Variants in OPHN1 observed in about 807,000 individuals in gnomAD.
OPHN1 encodes the protein oligophrenin-1.
In OPHN1, 11 loss-of-function variants were observed where a neutral mutation model predicts 60.7. That is an observed-to-expected ratio of 0.18 (90% confidence interval 0.11 to 0.30). OPHN1 has a LOEUF of 0.30. OPHN1 is among the 10% of genes least tolerant of loss of function. The pLI, the probability that OPHN1 is intolerant of heterozygous loss-of-function variation, is 1.00. For synonymous variants in OPHN1, 226 were observed against 222.6 expected, an observed-to-expected ratio of 1.02 and a Z score of -0.14; for missense variants, 449 against 611.0, an observed-to-expected ratio of 0.73 and a Z score of 2.80.
chrX:68,361,899 T>C (rs1004142824), intron 2 of OPHN1, among the ~76,000 whole-genome samples: 8 of 112,440 alleles, frequency 7.1e-5, no homozygotes, highest in African/African-American at 2.6e-4. Context: ...ATCTTTTTGA[T>C]AATAGTGATT....
Position 68,063,990 on chromosome X carries a change from C to G in OPHN1, c.2022G>C (p.Val674=). 1 of 1,210,291 alleles carries G rather than the reference C, an allele frequency of 8.3e-7. No individual in the cohort carries two copies. Residue 674 remains valine, a synonymous_variant, in exon 21 of 25, where the codon GTG becomes GTC. Coordinates refer to ENST00000355520, the MANE Select transcript of OPHN1 (RefSeq NM_002547.3). ...PCPEVDVGKL[V]SRLQDGGTKI... ...TGGTCCCTCCATCCTGCAGCCTAGACACCAACTTCCCCACGTCCACCTCTG... is the reference window on the plus strand; with the variant it reads ...TGGTCCCTCCATCCTGCAGCCTAGAGACCAACTTCCCCACGTCCACCTCTG...
rs1230764935 is a variant in OPHN1, at chrX:68,327,825, CTT to C, written c.155-28731_155-28730del. Among the ~76,000 whole-genome samples, 31 of 84,545 alleles carry C rather than the reference CTT, an allele frequency of 3.7e-4. 1 individual carries two copies. Among genetic ancestry groups the C allele is most frequent in the Non-Finnish European group, 5.6e-4 (26 of 46,492 alleles). 73.4% of individuals were successfully genotyped at this position (84,545 alleles called of 115,157 possible). On this transcript the variant is annotated intron_variant, in intron 2 of 24. Transcript: ENST00000355520. ...AAAAAAAAAAAAAAAAAATTTTAAACTTTTTTTTTTTTTTTGAGACGGAGTCT... is the reference window on the plus strand; with the variant it reads ...AAAAAAAAAAAAAAAAAATTTTAAACTTTTTTTTTTTTTGAGACGGAGTCT...
At chrX:68,221,095 A>T (rs1224171982) in intron 6 of OPHN1, among the ~76,000 whole-genome samples, 1 of 98,035 alleles carries the variant, frequency 1.0e-5, no homozygotes, top group Non-Finnish European at 2.1e-5. Flanking sequence ...CTCAGGATAC[A>T]AAATCAATGT....
At chrX:68,223,479 T>C (rs147296259) in intron 6 of OPHN1, among the ~76,000 whole-genome samples, 71 of 111,812 alleles carry the variant, frequency 6.3e-4, no homozygotes, top group Middle Eastern at 4.6e-3. Context: ...TTCCCATTTA[T>C]TAGTGGGAGC....
chrX:68,112,051 A>G (rs1229912667), intron 17 of OPHN1, 92 bp from the exon 18 acceptor site: 2 of 448,091 alleles, frequency 4.5e-6, no homozygotes, highest in Admixed American at 6.5e-5. Flanking sequence ...ACACACACAC[A>G]TGCACACATG....
At chrX:68,083,364 G>A (rs1486286361) in intron 19 of OPHN1, among the ~76,000 whole-genome samples, 3 of 110,713 alleles carry the variant, frequency 2.7e-5, no homozygotes, top group East Asian at 2.9e-4. Flanking sequence ...GAGCCACCGC[G>A]CCCGGCCTCA....
chrX:68,324,952 G>A (rs1475364201), intron 2 of OPHN1, among the ~76,000 whole-genome samples: 1 of 110,843 alleles, frequency 9.0e-6, no homozygotes, highest in Non-Finnish European at 1.9e-5. Context: ...GCGGGAGGCT[G>A]AGGTCGGAGG....
chrX:68,188,653 G>T (rs1477779248), intron 15 of OPHN1, among the ~76,000 whole-genome samples: 2 of 111,818 alleles, frequency 1.8e-5, no homozygotes, highest in African/African-American at 3.2e-5. Context: ...TAGAGTTCAA[G>T]TTCTGCAACT....
chrX:68,247,939 C>T (rs867493179), intron 5 of OPHN1, among the ~76,000 whole-genome samples: 12 of 110,775 alleles, frequency 1.1e-4, no homozygotes, highest in Admixed American at 1.9e-4. Flanking sequence ...AGCAAGATGT[C>T]GAAATAGAAG....
At chrX:68,252,316 T>C (rs1169179256) in intron 5 of OPHN1, among the ~76,000 whole-genome samples, 3 of 112,582 alleles carry the variant, frequency 2.7e-5, no homozygotes, top group African/African-American at 9.7e-5. Flanking sequence ...TCTTATGATA[T>C]CTAACCAATA....
In OPHN1 at chrX:68,044,810, A is replaced by G; in HGVS notation, c.*2362T>C. On this transcript the variant is annotated 3_prime_UTR_variant, in exon 25 of 25. Transcript: ENST00000355520. ...GACTGCTGGTCCCCAGCTCTCCAAG[A>G]TAGGCCCTTGATCTGTGTCCCAGGC... 8.9e-6 allele frequency: 1 copy of G among 112,773 alleles called. No homozygotes were observed. The highest frequency in any genetic ancestry group is 1.9e-5 in the Non-Finnish European group (1 of 53,333). The allele number at this position is 112,773 out of a possible 1,213,427, so 9.3% of individuals were successfully genotyped here.
At chrX:68,055,279 C>A (rs1220361432) in intron 21 of OPHN1, among the ~76,000 whole-genome samples, 2 of 112,117 alleles carry the variant, frequency 1.8e-5, no homozygotes, top group Admixed American at 9.5e-5. Context: ...ACCTCTACGA[C>A]TGTAAATTTC....
chrX:68,084,909 G>T (rs1284277956), intron 19 of OPHN1, among the ~76,000 whole-genome samples: 1 of 112,194 alleles, frequency 8.9e-6, no homozygotes, highest in Non-Finnish European at 1.9e-5. Context: ...GAAACTTCCT[G>T]TTGTGTGTCT....
rs374050535 is a variant in OPHN1 at position 68,063,898 on chromosome X, T to C, written c.2114A>G (p.His705Arg). Residue 705 changes from histidine (H) to arginine (R), a missense_variant, in exon 21 of 25, where the codon CAC becomes CGC. Around this residue, in one of 4 missense-constraint regions of OPHN1, gnomAD observed 184 missense variants for 160.5 expected, o/e 1.15. Transcript: ENST00000355520. Reference sequence around the variant, plus strand: ...GGGCCGGGGAGCTGGTCTCTTTATGTGGAAAGAGGGGGTCTTGGTGGGCCC... The same window carrying C: ...GGGCCGGGGAGCTGGTCTCTTTATGCGGAAAGAGGGGGTCTTGGTGGGCCC... Reference protein sequence around the residue: ...GSGPTKTPSFHIKRPAPRPLA... With the variant: ...GSGPTKTPSFRIKRPAPRPLA... 6.3e-5 allele frequency: 74 copies of C among 1,181,145 alleles called. No homozygotes were observed. The highest frequency in any genetic ancestry group is 7.3e-5 in the Non-Finnish European group (64 of 880,156).
chrX:68,111,467 C>G (rs1424377268), intron 18 of OPHN1, among the ~76,000 whole-genome samples: 1 of 112,373 alleles, frequency 8.9e-6, no homozygotes, highest in East Asian at 2.8e-4. Context: ...ATGCATTTTA[C>G]CTGTGTTCAT....
intron 10 of OPHN1, among the ~76,000 whole-genome samples, chrX:68,202,532 C>G: frequency 9.1e-6 from 1 of 109,708 alleles, no homozygotes; most frequent in African/African-American, 3.3e-5. Flanking sequence ...CGTAGTCTTG[C>G]TCTGTCACTC....
At chrX:68,368,267 A>G (rs999086040) in intron 2 of OPHN1, among the ~76,000 whole-genome samples, 5 of 111,735 alleles carry the variant, frequency 4.5e-5, no homozygotes, top group Non-Finnish European at 5.6e-5. Flanking sequence ...ATGGTGGCTC[A>G]TGCCTGTAAT....
chrX:68,213,159 G>A (rs745578445), intron 7 of OPHN1, among the ~76,000 whole-genome samples: 2 of 111,658 alleles, frequency 1.8e-5, no homozygotes, highest in African/African-American at 3.3e-5. Context: ...ACTTGGGCCC[G>A]GGAGTTGGAG....
Position 68,063,903 on chromosome X carries a change from A to G in OPHN1, c.2109T>C (p.Ser703=). 1 of 1,185,766 alleles carries G rather than the reference A, an allele frequency of 8.4e-7. No homozygotes were observed. Among genetic ancestry groups the G allele is most frequent in the Non-Finnish European group, 1.1e-6 (1 of 881,560 alleles). Reference sequence around the variant, plus strand: ...GGGGAGCTGGTCTCTTTATGTGGAAAGAGGGGGTCTTGGTGGGCCCAGAGC... The same window carrying G: ...GGGGAGCTGGTCTCTTTATGTGGAAGGAGGGGGTCTTGGTGGGCCCAGAGC... ...MPGSGPTKTP[S]FHIKRPAPRP... Residue 703 remains serine, a synonymous_variant, in exon 21 of 25, where the codon TCT becomes TCC. Coordinates refer to ENST00000355520, the MANE Select transcript of OPHN1 (RefSeq NM_002547.3).
Sources: gnomAD v4.1 joint callset for allele counts (sites outside exome capture counted in the v4.1 genomes callset) on GRCh38, gnomAD v4.1.1 for gene constraint, gnomAD v4.1.1 regional missense constraint, MANE v1.5 for transcripts, NCBI Gene and HGNC (gene_info 2026-07-23, HGNC 2026-07-21) for gene names.